Variants in MAD1L1 observed in about 807,000 individuals in gnomAD.
MAD1L1 encodes the protein mitotic arrest deficient 1 like 1.
Under a neutral mutation model 96.9 loss-of-function variants are expected in MAD1L1, and 95 were observed. The ratio of observed to expected loss-of-function variants is 0.98; its 90% confidence interval spans 0.83 to 1.16. The LOEUF is 1.16. Ranked by LOEUF, MAD1L1 falls within the 50% of genes most tolerant of loss-of-function variation. The pLI is 0.00. For missense variants in MAD1L1, 1,007 were observed against 954.4 expected (o/e 1.06, Z -0.73); for synonymous variants, 473 against 396.6 (o/e 1.19, Z -2.29).
intron 1 of MAD1L1, among the ~76,000 whole-genome samples, chr7:2,232,608 G>T (rs1252274289): frequency 6.6e-6 from 1 of 152,214 alleles, no homozygotes; most frequent in Admixed American, 6.5e-5. Context: ...GACGGCTGCG[G>T]AGACCCAGGC....
intron 10 of MAD1L1, among the ~76,000 whole-genome samples, chr7:2,159,448 G>A (rs1264633300): frequency 6.6e-6 from 1 of 152,166 alleles, no homozygotes; most frequent in Non-Finnish European, 1.5e-5. Context: ...GCTCCTGGCC[G>A]CTCCTCCTGG....
chr7:1,868,351 T>C (rs1583600642), intron 18 of MAD1L1, among the ~76,000 whole-genome samples: 1 of 152,160 alleles, frequency 6.6e-6, no homozygotes, highest in African/African-American at 2.4e-5. Context: ...CAGCGTGGAC[T>C]TCCATGGCTG....
intron 15 of MAD1L1, among the ~76,000 whole-genome samples, chr7:1,970,526 G>A (rs139236514): frequency 2.1e-4 from 32 of 152,096 alleles, no homozygotes; most frequent in Middle Eastern, 3.4e-3. Context: ...TAGAGACGGG[G>A]TTTCGCTATG....
rs562039020 is a variant in MAD1L1 at position 2,152,980 on chromosome 7, C to A, written c.987-3742G>T. Among the ~76,000 whole-genome samples the A allele has an allele frequency of 1.8e-4, 27 of 152,192 alleles. No homozygotes were observed. The South Asian group carries it at 5.6e-3, about 32-fold the overall frequency. On this transcript the variant is annotated intron_variant, in intron 10 of 18. Coordinates refer to ENST00000265854, the MANE Select transcript of MAD1L1 (RefSeq NM_001013836.2). Reference sequence around the variant, plus strand: ...TTAAAAGTTGTGAAATTTTGTATACCCTTTGTTCGGCAGTGTCAATCAAAA... The same window carrying A: ...TTAAAAGTTGTGAAATTTTGTATACACTTTGTTCGGCAGTGTCAATCAAAA...
intron 10 of MAD1L1, among the ~76,000 whole-genome samples, chr7:2,185,439 C>T (rs1791412953): frequency 6.6e-6 from 1 of 152,130 alleles, no homozygotes; most frequent in South Asian, 2.1e-4. Context: ...ACAGGTGGTA[C>T]ATTTTCAATA....
chr7:2,076,258 T>C (rs1467039120), intron 11 of MAD1L1, among the ~76,000 whole-genome samples: 2 of 152,142 alleles, frequency 1.3e-5, no homozygotes, highest in Non-Finnish European at 2.9e-5. Flanking sequence ...AAAACCCAGA[T>C]CCCCAATGTG....
intron 10 of MAD1L1, among the ~76,000 whole-genome samples, chr7:2,152,317 C>T (rs1789617512): frequency 6.6e-6 from 1 of 152,242 alleles, no homozygotes; most frequent in African/African-American, 2.4e-5. Context: ...CAGAGCCCTC[C>T]AACCACAGGG....
intron 11 of MAD1L1, among the ~76,000 whole-genome samples, chr7:2,132,131 C>A (rs1419523578): frequency 6.6e-6 from 1 of 152,220 alleles, no homozygotes; most frequent in Non-Finnish European, 1.5e-5. Flanking sequence ...CCTCATCTTA[C>A]TTGCTAATTT....
chr7:2,104,829 G>A (rs1787004595), intron 11 of MAD1L1, among the ~76,000 whole-genome samples: 1 of 152,216 alleles, frequency 6.6e-6, no homozygotes, highest in Non-Finnish European at 1.5e-5. Context: ...TCCCACGCCA[G>A]GCCGTGCACA....
At chr7:1,999,156 G>A (rs1418178803) in intron 14 of MAD1L1, among the ~76,000 whole-genome samples, 1 of 152,202 alleles carries the variant, frequency 6.6e-6, no homozygotes, top group African/African-American at 2.4e-5. Context: ...TCTCAGACCT[G>A]CCATTAAACA....
At chr7:2,067,519 T>G (rs948934556) in intron 12 of MAD1L1, among the ~76,000 whole-genome samples, 6 of 152,134 alleles carry the variant, frequency 3.9e-5, no homozygotes, top group African/African-American at 1.4e-4. Flanking sequence ...AAGAACACAG[T>G]GTCGCCCCCT....
chr7:1,822,143 T>C (rs1782158260), intron 18 of MAD1L1, among the ~76,000 whole-genome samples: 1 of 151,724 alleles, frequency 6.6e-6, no homozygotes, highest in African/African-American at 2.4e-5. Flanking sequence ...AAGATGAACA[T>C]ACAAAAATTA....
intron 17 of MAD1L1, among the ~76,000 whole-genome samples, chr7:1,917,196 C>A (rs1037335645): frequency 1.3e-5 from 2 of 152,196 alleles, no homozygotes; most frequent in African/African-American, 4.8e-5. Context: ...GTGGGCTTGG[C>A]GCTGGGGTCC....
chr7:1,874,943 C>T (rs1325370662), intron 18 of MAD1L1, among the ~76,000 whole-genome samples: 1 of 152,158 alleles, frequency 6.6e-6, no homozygotes, highest in Non-Finnish European at 1.5e-5. Flanking sequence ...GTGAGTGGCC[C>T]CCACCCCGGG....
At chr7:1,837,645 A>T (rs949112051) in intron 18 of MAD1L1, among the ~76,000 whole-genome samples, 5 of 152,242 alleles carry the variant, frequency 3.3e-5, no homozygotes, top group African/African-American at 9.7e-5. Flanking sequence ...ATAAATCTCA[A>T]ACTAACTACG....
intron 14 of MAD1L1, among the ~76,000 whole-genome samples, chr7:1,998,228 C>A (rs552741140): frequency 6.6e-6 from 1 of 152,254 alleles, no homozygotes; most frequent in African/African-American, 2.4e-5. Context: ...GGCCCAAGAC[C>A]AGTTTCTGTC....
chr7:2,110,928 C>T (rs1787346100), intron 11 of MAD1L1, among the ~76,000 whole-genome samples: 1 of 152,148 alleles, frequency 6.6e-6, no homozygotes, highest in African/African-American at 2.4e-5. Flanking sequence ...GCAAACCCTT[C>T]CTGTCCAAAC....
intron 18 of MAD1L1, among the ~76,000 whole-genome samples, chr7:1,853,609 A>G (rs1280383948): frequency 6.6e-6 from 1 of 152,026 alleles, no homozygotes; most frequent in African/African-American, 2.4e-5. Flanking sequence ...CAGACTGATC[A>G]CCAGCTCAGA....
At chr7:1,859,054 A>C (rs13229746) in intron 18 of MAD1L1, among the ~76,000 whole-genome samples, 2,004 of 84,048 alleles carry the variant, frequency 0.024, 17 homozygotes, top group Non-Finnish European at 0.043. Context: ...CCTCCACACC[A>C]AACCCCATAC....
Sources: allele counts gnomAD v4.1 joint callset (sites outside exome capture counted in the v4.1 genomes callset), GRCh38; gene constraint gnomAD v4.1.1; transcripts MANE v1.5; gene names NCBI Gene and HGNC (gene_info 2026-07-23, HGNC 2026-07-21).